LRRC51: variants seen among roughly 807,000 people sequenced by gnomAD.
The protein encoded by LRRC51 is leucine rich repeat containing 51.
In LRRC51, 8 loss-of-function variants were observed where a neutral mutation model predicts 17.8. The observed-to-expected ratio is 0.45, with a 90% CI of 0.26 to 0.81. The LOEUF (loss-of-function observed/expected upper bound fraction) is 0.81. Ranked by LOEUF, LRRC51 falls within the 30% of genes least tolerant of loss-of-function variation. The pLI is 0.17. For synonymous variants in LRRC51, 92 were observed against 96.0 expected (o/e 0.96, Z 0.24); for missense variants, 233 against 239.3 (o/e 0.97, Z 0.17).
At chr11:72,085,547 G>T (rs1944483490) in intron 1 of LRRC51, 1 of 152,096 alleles carries the variant, frequency 6.6e-6, no homozygotes. Flanking sequence ...TTGAGCACCT[G>T]ATGCCAGATG....
chr11:72,091,452 T>C (rs530241009), intron 3 of LRRC51, among the ~76,000 whole-genome samples: 3 of 152,080 alleles, frequency 2.0e-5, no homozygotes, highest in Middle Eastern at 3.2e-3. Context: ...TTGCCTGACC[T>C]GCATCTGAGG....
intron 1 of LRRC51, among the ~76,000 whole-genome samples, chr11:72,087,119 A>G (rs1944574543): frequency 6.6e-6 from 1 of 152,128 alleles, no homozygotes; most frequent in Admixed American, 6.5e-5. Context: ...CACCTCCCCA[A>G]AGCTCAGCTG....
rs899949991 is a variant in LRRC51, at chr11:72,096,066, G to C, written c.*546G>C. 1 of 178,638 alleles carries C rather than the reference G, an allele frequency of 5.6e-6. No homozygotes were observed. The highest frequency in any genetic ancestry group is 1.5e-4 in the East Asian group (1 of 6,706). 11.1% of individuals were successfully genotyped at this position (178,638 alleles called of 1,614,324 possible). On this transcript the variant is annotated 3_prime_UTR_variant, in exon 6 of 6. Transcript: ENST00000289488. Reference sequence around the variant, plus strand: ...CACCCAGGCTGGAGTGCAGTGGCACGATCTCGGCTCACTGCAAACTCCGCC... The same window carrying C: ...CACCCAGGCTGGAGTGCAGTGGCACCATCTCGGCTCACTGCAAACTCCGCC...
At chr11:72,084,861 C>CGTGTGTGTGTGT (rs55904624) in intron 1 of LRRC51, among the ~76,000 whole-genome samples, 1 of 124,298 alleles carries the variant, frequency 8.0e-6, no homozygotes, top group African/African-American at 3.2e-5. Flanking sequence ...AAAAGAAAAC[C>CGTGTGTGTGTGT]GTGTGTGTGT....
At chr11:72,095,331 G>A in intron 5 of LRRC51, 48 bp from the exon 6 acceptor site, 1 of 1,613,030 alleles carries the variant, frequency 6.2e-7, no homozygotes, top group Non-Finnish European at 8.5e-7. Context: ...GGAGGGGGAA[G>A]GGGATTCTGG....
Position 72,096,346 on chromosome 11 carries a change from G to A in LRRC51, c.*826G>A, listed in dbSNP as rs559941178. ...TTGAACTCCTGACCTCAGGTGATCC[G>A]TCTGCTTTGGCCTCCCAAAGTGCTG... On this transcript the variant is annotated 3_prime_UTR_variant, in exon 6 of 6. Transcript: ENST00000289488. 12 of 176,208 alleles carry A rather than the reference G, an allele frequency of 6.8e-5. No homozygotes were observed. Among genetic ancestry groups the A allele is most frequent in the South Asian group, 3.2e-4 (2 of 6,172 alleles). The allele number at this position is 176,208 out of a possible 1,614,324, so 10.9% of individuals were successfully genotyped here.
intron 1 of LRRC51, among the ~76,000 whole-genome samples, chr11:72,087,879 T>C (rs1944632309): frequency 6.6e-6 from 1 of 152,242 alleles, no homozygotes; most frequent in Admixed American, 6.5e-5. Flanking sequence ...AAATTATATA[T>C]ATGGCTTGCA....
At chr11:72,086,467 A>T (rs1944539489) in intron 1 of LRRC51, 3 of 702,330 alleles carry the variant, frequency 4.3e-6, no homozygotes, top group Non-Finnish European at 7.8e-6. Context: ...TGTTAGAAAG[A>T]ACAGCTTAGC....
intron 1 of LRRC51, among the ~76,000 whole-genome samples, chr11:72,082,481 C>G (rs1944295291): frequency 6.6e-6 from 1 of 152,174 alleles, no homozygotes; most frequent in Non-Finnish European, 1.5e-5. Flanking sequence ...TCTCTAAGCT[C>G]CAGATCTATA....
In LRRC51 at chr11:72,095,807, T is replaced by A. The variant is rs1168406472; in HGVS notation, c.*287T>A. The A allele has an allele frequency of 1.9e-6, 1 of 531,382 alleles. No homozygotes were observed. Among genetic ancestry groups the A allele is most frequent in the Admixed American group, 3.7e-5 (1 of 26,672 alleles). 32.9% of individuals were successfully genotyped at this position (531,382 alleles called of 1,614,324 possible). A position where few individuals can be genotyped will look rare whatever the true frequency, so the allele number is the denominator to read the frequency against. ...CCTGCCTCAGCCTCCCCAGTAGCTG[T>A]GATTAAAGGCGCCTGCCACCATGAC... On this transcript the variant is annotated 3_prime_UTR_variant, in exon 6 of 6. Coordinates refer to ENST00000289488, the MANE Select transcript of LRRC51 (RefSeq NM_145309.6).
chr11:72,090,196 C>T (rs1944777391), intron 3 of LRRC51, among the ~76,000 whole-genome samples: 1 of 152,214 alleles, frequency 6.6e-6, no homozygotes, highest in Admixed American at 6.5e-5. Flanking sequence ...TGCACTGCAT[C>T]ACTTCTGATG....
At chr11:72,082,397 C>A (rs1944287394) in intron 1 of LRRC51, among the ~76,000 whole-genome samples, 1 of 152,086 alleles carries the variant, frequency 6.6e-6, no homozygotes, top group Admixed American at 6.6e-5. Context: ...TCTTGGGTAC[C>A]CCTCCACACC....
chr11:72,082,356 C>T (rs764588024), intron 1 of LRRC51, among the ~76,000 whole-genome samples: 11 of 152,286 alleles, frequency 7.2e-5, no homozygotes, highest in Admixed American at 4.6e-4. Context: ...TTTGGTCCTA[C>T]GCCCTCTTGC....
chr11:72,095,210 G>A, intron 5 of LRRC51, 114 bp downstream of exon 5: 2 of 1,560,356 alleles, frequency 1.3e-6, no homozygotes, highest in South Asian at 1.2e-5. Flanking sequence ...TGGGAAGGGA[G>A]TAACAGACCT....
At chr11:72,090,703 G>C (rs1044392798) in intron 3 of LRRC51, among the ~76,000 whole-genome samples, 1 of 152,192 alleles carries the variant, frequency 6.6e-6, no homozygotes, top group Non-Finnish European at 1.5e-5. Context: ...TGAAACGGCA[G>C]TGCCTTTGGA....
intron 1 of LRRC51, chr11:72,086,112 G>A (rs1198737449): frequency 1.8e-5 from 6 of 336,692 alleles, no homozygotes; most frequent in Middle Eastern, 7.4e-4. Flanking sequence ...CATGAATAGG[G>A]ATCATCAAAA....
chr11:72,089,312 GA>G (rs1254650099), intron 3 of LRRC51, 147 bp downstream of exon 3: 3 of 1,506,692 alleles, frequency 2.0e-6, no homozygotes, highest in Non-Finnish European at 2.7e-6. Context: ...GAGGGTAGGG[GA>G]GAGTGAGAGG....
Position 72,096,749 on chromosome 11 carries a change from A to C in LRRC51, c.*1229A>C. ...GTACCAGGGTCTGTAGAGATGCCTC[A>C]CAGGCCTCCATGACAGGCCAAGAAG... On this transcript the variant is annotated 3_prime_UTR_variant, in exon 6 of 6. Transcript: ENST00000289488. 1 of 1,518,220 alleles carries C rather than the reference A, an allele frequency of 6.6e-7. No homozygotes were observed. Among genetic ancestry groups the C allele is most frequent in the Non-Finnish European group, 8.9e-7 (1 of 1,128,196 alleles). The allele number at this position is 1,518,220 out of a possible 1,614,324, so 94.0% of individuals were successfully genotyped here.
intron 1 of LRRC51, among the ~76,000 whole-genome samples, chr11:72,083,256 C>T (rs1278474455): frequency 6.6e-6 from 1 of 152,206 alleles, no homozygotes; most frequent in Non-Finnish European, 1.5e-5. Flanking sequence ...CTTCTCTCCC[C>T]TTCAGTTATA....
Sources: gnomAD v4.1 joint callset for allele counts (sites outside exome capture counted in the v4.1 genomes callset) on GRCh38, gnomAD v4.1.1 for gene constraint, MANE v1.5 for transcripts, NCBI Gene and HGNC (gene_info 2026-07-23, HGNC 2026-07-21) for gene names.